Variants in RIOK2 observed in about 807,000 individuals in gnomAD.
The protein encoded by RIOK2 is serine/threonine-protein kinase RIO2.
Under a neutral mutation model 62.4 loss-of-function variants are expected in RIOK2, and 46 were observed. That is an observed-to-expected ratio of 0.74 (90% CI 0.58 to 0.94). RIOK2 has a LOEUF of 0.94. Among genes scored for constraint, RIOK2 ranks in the 40% least tolerant of loss-of-function variants. The pLI is 0.00. For missense variants in RIOK2, 574 were observed against 658.0 expected (o/e 0.87, Z 1.40); for synonymous variants, 197 against 216.0 (o/e 0.91, Z 0.77).
chr5:97,163,415 T>C (rs1392537224), intron 9 of RIOK2, among the ~76,000 whole-genome samples, 190 bp from the exon 10 acceptor site: 1 of 152,178 alleles, frequency 6.6e-6, no homozygotes, highest in African/African-American at 2.4e-5. Flanking sequence ...GCAAAAAATA[T>C]AGTGTATAGG....
chr5:97,180,206 T>A (rs1290017950), intron 1 of RIOK2, among the ~76,000 whole-genome samples: 5 of 138,120 alleles, frequency 3.6e-5, no homozygotes, highest in East Asian at 4.1e-4. Context: ...ATGGAAATTT[T>A]AAAAAATGGT....
chr5:97,161,048 T>C lies in RIOK2; in HGVS notation c.*2013A>G, dbSNP rs1221029817. On this transcript the variant is annotated 3_prime_UTR_variant, in exon 10 of 10. Coordinates refer to ENST00000283109, the MANE Select transcript of RIOK2 (RefSeq NM_018343.3). ...TCCTTTTGGTAACCTTAAGAAGTCA[T>C]TTTAGCAGTACTAACCATACAGTAT... 1 of 152,230 alleles carries C rather than the reference T, an allele frequency of 6.6e-6. No homozygotes were observed. The highest frequency in any genetic ancestry group is 1.5e-5 in the Non-Finnish European group (1 of 68,048). 9.4% of individuals were successfully genotyped at this position (152,230 alleles called of 1,614,324 possible).
At chr5:97,180,146 A>ATATATATATATGTATATATATATATATG (rs1749359275) in intron 1 of RIOK2, among the ~76,000 whole-genome samples, 2 of 33,114 alleles carry the variant, frequency 6.0e-5, no homozygotes, top group African/African-American at 1.2e-4. Flanking sequence ...ATATATGTAT[A>ATATATATATATGTATATATATATATATG]TATATATATA....
chr5:97,181,066 G>A (rs1749393910), intron 1 of RIOK2, among the ~76,000 whole-genome samples: 2 of 151,990 alleles, frequency 1.3e-5, no homozygotes, highest in Non-Finnish European at 2.9e-5. Context: ...GAGGTCAAGA[G>A]ATCGAGACCA....
intron 4 of RIOK2, among the ~76,000 whole-genome samples, chr5:97,174,478 T>C (rs1426220653): frequency 2.0e-5 from 3 of 152,168 alleles, no homozygotes; most frequent in Non-Finnish European, 4.4e-5. Context: ...AAATATAAAC[T>C]TTTCCTGGTT....
In RIOK2 at chr5:97,177,835, ATAGCCCTGGACAGC is replaced by A; in HGVS notation, c.206-1_218del. The A allele has an allele frequency of 6.2e-7, 1 of 1,611,696 alleles. No individual in the cohort carries two copies. The highest frequency in any genetic ancestry group is 8.5e-7 in the Non-Finnish European group (1 of 1,178,108). The stretch of plus-strand genomic sequence containing the variant: ...AATCATATCCTGCATTTGTCAACCG[ATAGCCCTGGACAGC>A]TAGACAAAAATCAAAGCATAAAGAC... On this transcript the variant is annotated splice_acceptor_variant and coding_sequence_variant, in exon 3 of 10. Coordinates refer to ENST00000283109, the MANE Select transcript of RIOK2 (RefSeq NM_018343.3). LOFTEE classifies it high-confidence loss of function.
chr5:97,166,952 G>A lies in RIOK2; in HGVS notation c.1397+515C>T, dbSNP rs888880374. On this transcript the variant is annotated intron_variant, in intron 8 of 9. Coordinates refer to ENST00000283109, the MANE Select transcript of RIOK2 (RefSeq NM_018343.3). ...ATTTTTGAGACGGAGTTTTTTGCTCGTCACCCAGGCTGGAGTGCAGTGGTA... is the reference window on the plus strand; with the variant it reads ...ATTTTTGAGACGGAGTTTTTTGCTCATCACCCAGGCTGGAGTGCAGTGGTA... The A allele has an allele frequency of 1.3e-5, 11 of 872,618 alleles. No individual in the cohort carries two copies. The African/African-American group carries it at 1.5e-4, about 12-fold the overall frequency. The allele number at this position is 872,618 out of a possible 1,614,324, so 54.1% of individuals were successfully genotyped here.
intron 6 of RIOK2, among the ~76,000 whole-genome samples, 190 bp downstream of exon 6, chr5:97,171,016 C>T (rs1224877353): frequency 6.6e-6 from 1 of 151,934 alleles, no homozygotes; most frequent in Non-Finnish European, 1.5e-5. Flanking sequence ...AAAAAATTAG[C>T]CAGGTGTGGT....
Position 97,163,197 on chromosome 5 carries a change from T to A in RIOK2, c.1523A>T (p.Gln508Leu). ...PELVKQKVKR[Q>L]LTKQQKSAVR... ...AGCTGATTTTTGCTGTTTTGTCAACTGACGTTTCACCTTCTGTTTCACCAG... is the reference window on the plus strand; with the variant it reads ...AGCTGATTTTTGCTGTTTTGTCAACAGACGTTTCACCTTCTGTTTCACCAG... Residue 508 changes from glutamine to leucine, a missense_variant, in exon 10 of 10, where the codon CAG becomes CTG. Gln to Leu is a moderately radical substitution (Grantham distance 113). Transcript: ENST00000283109. The A allele has an allele frequency of 6.2e-7, 1 of 1,613,636 alleles. No individual in the cohort carries two copies. The highest frequency in any genetic ancestry group is 8.5e-7 in the Non-Finnish European group (1 of 1,179,860).
At position 97,171,202 on chromosome 5, in the gene RIOK2, G is replaced by T; in HGVS notation, c.779+4C>A. The T allele has an allele frequency of 6.8e-7, 1 of 1,481,150 alleles. No individual in the cohort carries two copies. Among genetic ancestry groups the T allele is most frequent in the Non-Finnish European group, 9.0e-7 (1 of 1,113,222 alleles). 91.8% of individuals were successfully genotyped at this position (1,481,150 alleles called of 1,614,324 possible). A position where few individuals can be genotyped will look rare whatever the true frequency, so the allele number is the denominator to read the frequency against. On this transcript the variant is annotated splice_donor_region_variant and intron_variant, in intron 6 of 9. Transcript: ENST00000283109. ...ATAAAAATAAAAAAATAGCAAGTAC[G>T]TACCACTCAGCATTGGGATGAGAAG...
At position 97,162,759 on chromosome 5, in the gene RIOK2, G is replaced by GTC; in HGVS notation, c.*301_*302insGA. ...TTGTTCTAATTGCTTTATGTGCATT[G>GTC]TAGCATATCATCCTCAACAAACAGA... On this transcript the variant is annotated 3_prime_UTR_variant, in exon 10 of 10. Transcript: ENST00000283109. 3.7e-6 allele frequency: 1 copy of GTC among 272,160 alleles called. No individual in the cohort carries two copies. Among genetic ancestry groups the GTC allele is most frequent in the South Asian group, 5.7e-5 (1 of 17,516 alleles). 16.9% of individuals were successfully genotyped at this position (272,160 alleles called of 1,614,324 possible).
At chr5:97,163,471 G>T (rs1345744649) in intron 9 of RIOK2, among the ~76,000 whole-genome samples, 1 of 152,180 alleles carries the variant, frequency 6.6e-6, no homozygotes, top group Non-Finnish European at 1.5e-5. Context: ...TGTCCATCAT[G>T]AAAACTGATG....
chr5:97,163,443 T>C (rs1055995769), intron 9 of RIOK2, among the ~76,000 whole-genome samples: 2 of 152,318 alleles, frequency 1.3e-5, no homozygotes, highest in South Asian at 2.1e-4. Context: ...TTTAAAAAAT[T>C]ACCATAGTGC....
chr5:97,165,232 T>C, intron 8 of RIOK2, 85 bp from the exon 9 acceptor site: 2 of 641,470 alleles, frequency 3.1e-6, no homozygotes, highest in Non-Finnish European at 2.3e-6. Context: ...ATTTTTTGCA[T>C]GCAGCAAAAC....
intron 8 of RIOK2, 83 bp from the exon 9 acceptor site, chr5:97,165,230 C>T (rs1456994963): frequency 1.5e-6 from 1 of 651,158 alleles, no homozygotes; most frequent in Non-Finnish European, 2.3e-6. Context: ...TTATTTTTTG[C>T]ATGCAGCAAA....
At position 97,177,848 on chromosome 5, in the gene RIOK2, G is replaced by T; in HGVS notation, c.206C>A (p.Thr69Asn). Reference sequence around the variant, plus strand: ...ATTTGTCAACCGATAGCCCTGGACAGCTAGACAAAAATCAAAGCATAAAGA... The same window carrying T: ...ATTTGTCAACCGATAGCCCTGGACATCTAGACAAAAATCAAAGCATAAAGA... ...HKLIAWERTK[T>N]VQGYRLTNAG... Residue 69 changes from threonine to asparagine, a missense_variant and splice_region_variant, in exon 3 of 10, where the codon ACT becomes AAT. Coordinates refer to ENST00000283109, the MANE Select transcript of RIOK2 (RefSeq NM_018343.3). The T allele has an allele frequency of 1.3e-6, 2 of 1,596,148 alleles. No homozygotes were observed. Among genetic ancestry groups the T allele is most frequent in the Non-Finnish European group, 1.7e-6 (2 of 1,166,912 alleles).
At chr5:97,182,952 C>A in intron 1 of RIOK2, 174 bp downstream of exon 1, 1 of 759,388 alleles carries the variant, frequency 1.3e-6, no homozygotes, top group Non-Finnish European at 2.4e-6. Context: ...GGTAAGCTCC[C>A]AAACAAAACC....
chr5:97,181,851 ATAG>A lies in RIOK2; in HGVS notation c.66+1272_66+1274del, dbSNP rs545644843. ...GAAAGGAAGGTATCTTTCCGAAGTG[ATAG>A]TAGGTTTTCATAGAGAAAGTCCAGC... is the stretch of plus-strand genomic sequence containing the variant. On this transcript the variant is annotated intron_variant, in intron 1 of 9. Transcript: ENST00000283109. 1.4e-3 allele frequency among the ~76,000 whole-genome samples: 219 copies of A among 152,346 alleles called. 1 individual carries two copies. The highest frequency in any genetic ancestry group is 5.1e-3 in the African/African-American group (214 of 41,580).
intron 8 of RIOK2, chr5:97,166,377 T>A: frequency 2.3e-6 from 1 of 439,526 alleles, no homozygotes; most frequent in Admixed American, 2.5e-5. Context: ...CACAGCTATA[T>A]GAAAAAGGAA....
Sources: allele counts gnomAD v4.1 joint callset (sites outside exome capture counted in the v4.1 genomes callset), GRCh38; gene constraint gnomAD v4.1.1; transcripts MANE v1.5; gene names NCBI Gene and HGNC (gene_info 2026-07-23, HGNC 2026-07-21).